The following PANK3 variants were observed in gnomAD, a reference collection of about 807,000 sequenced individuals.
PANK3 encodes the protein pantothenate kinase 3.
PANK3 carries 20 observed loss-of-function variants against 39.4 expected under a neutral mutation model. The observed-to-expected ratio is 0.51, with a 90% confidence interval of 0.36 to 0.74. The LOEUF (loss-of-function observed/expected upper bound fraction) is 0.74, where lower values mean the gene tolerates loss of function less well. Among genes scored for constraint, PANK3 ranks in the 30% least tolerant of loss-of-function variants. PANK3 has a pLI of 0.00. For missense variants in PANK3, 265 were observed against 437.0 expected (o/e 0.61, Z 3.51); for synonymous variants, 140 against 157.3 (o/e 0.89, Z 0.82).
intron 1 of PANK3, among the ~76,000 whole-genome samples, chr5:168,572,352 G>A (rs1470037277): frequency 1.3e-5 from 2 of 152,096 alleles, no homozygotes; most frequent in African/African-American, 2.4e-5. Context: ...AACCTTGTGT[G>A]TGTGTGTGTG....
rs1759593039 is a variant in PANK3 at position 168,569,485 on chromosome 5, C to T, written c.29-487G>A. ...GGGATTGCAGGCGTGAGCCACCGCG[C>T]TCGGCCCTTCAAAGTTTTATTAATA... On this transcript the variant is annotated intron_variant, in intron 1 of 6. Coordinates refer to ENST00000239231, the MANE Select transcript of PANK3 (RefSeq NM_024594.4). 2.0e-5 allele frequency among the ~76,000 whole-genome samples: 3 copies of T among 152,094 alleles called. No individual in the cohort carries two copies. In the South Asian group the frequency reaches 6.2e-4, roughly 32 times the overall value.
chr5:168,569,024 A>T lies in PANK3; in HGVS notation c.29-26T>A, dbSNP rs1410771901. 1.6e-3 allele frequency: 528 copies of T among 334,314 alleles called. 3 individuals are homozygous for T. The highest frequency in any genetic ancestry group is 0.015 in the African/African-American group (406 of 27,858). The allele number at this position is 334,314 out of a possible 1,614,324, so 20.7% of individuals were successfully genotyped here. ...CTATGGGAGGAAAAAAAAAAAAAAA[A>T]AAAAAAATATATATATATATATATA... is the stretch of plus-strand genomic sequence containing the variant. On this transcript the variant is annotated intron_variant, in intron 1 of 6. Transcript: ENST00000239231.
intron 6 of PANK3, among the ~76,000 whole-genome samples, chr5:168,558,454 G>A (rs35693458): frequency 0.13 from 19,631 of 151,988 alleles, 1,560 homozygotes; most frequent in East Asian, 0.29. Context: ...ATGAGCCACC[G>A]CACCCGGCCA....
intron 2 of PANK3, among the ~76,000 whole-genome samples, chr5:168,567,823 T>C (rs1339507242): frequency 1.3e-5 from 2 of 152,160 alleles, no homozygotes; most frequent in Non-Finnish European, 2.9e-5. Flanking sequence ...TCCCACTATA[T>C]TGCCCAGGCT....
rs972809737 is a variant in PANK3, at chr5:168,554,485, C to T, written c.*3086G>A. 1 of 152,198 alleles carries T rather than the reference C, an allele frequency of 6.6e-6. No individual in the cohort carries two copies. The highest frequency in any genetic ancestry group is 2.4e-5 in the African/African-American group (1 of 41,452). The allele number at this position is 152,198 out of a possible 1,614,324, so 9.4% of individuals were successfully genotyped here. ...TCGATTACAGGCATGAGCCACTGCACCCAGCCTCAATTGTTTAAAATTCAG... is the reference window on the plus strand; with the variant it reads ...TCGATTACAGGCATGAGCCACTGCATCCAGCCTCAATTGTTTAAAATTCAG... On this transcript the variant is annotated 3_prime_UTR_variant, in exon 7 of 7. Coordinates refer to ENST00000239231, the MANE Select transcript of PANK3 (RefSeq NM_024594.4).
At chr5:168,572,110 CT>C (rs34970571) in intron 1 of PANK3, among the ~76,000 whole-genome samples, 11,835 of 101,052 alleles carry the variant, frequency 0.12, 238 homozygotes, top group Non-Finnish European at 0.16. Context: ...CAACATAGGC[CT>C]TTTTTTTTTT....
chr5:168,567,006 A>G (rs1759546036), intron 2 of PANK3, among the ~76,000 whole-genome samples: 1 of 152,194 alleles, frequency 6.6e-6, no homozygotes, highest in South Asian at 2.1e-4. Context: ...GGCTTCCCAA[A>G]GTGCTGGAAT....
In PANK3 at chr5:168,550,126, A is replaced by T. The variant is rs1759254321; in HGVS notation, c.*7445T>A. 1 of 152,224 alleles carries T rather than the reference A, an allele frequency of 6.6e-6. No homozygotes were observed. The highest frequency in any genetic ancestry group is 1.5e-5 in the Non-Finnish European group (1 of 68,042). The allele number at this position is 152,224 out of a possible 1,614,324, so 9.4% of individuals were successfully genotyped here. ...CACATTCAGTTAAAAACTGTACTTC[A>T]AATTTTGTACTCTGATATTATCCTG... On this transcript the variant is annotated 3_prime_UTR_variant, in exon 7 of 7. Transcript: ENST00000239231.
chr5:168,568,788 C>T lies in PANK3; in HGVS notation c.239G>A (p.Gly80Glu). The stretch of plus-strand genomic sequence containing the variant: ...TGGAAACCTGATAAAGTGCAAGTTC[C>T]CTCTTCGGCCAAAAAGTGTTAAATC... ...LKDLTLFGRR[G>E]NLHFIRFPTQ... Residue 80 changes from glycine (G) to glutamate (E), a missense_variant, in exon 2 of 7, where the codon GGG becomes GAG. Transcript: ENST00000239231. 6.2e-7 allele frequency: 1 copy of T among 1,613,954 alleles called. No individual in the cohort carries two copies. Among genetic ancestry groups the T allele is most frequent in the South Asian group, 1.1e-5 (1 of 91,066 alleles).
chr5:168,578,903 G>A (rs746962832), intron 1 of PANK3, among the ~76,000 whole-genome samples: 5 of 152,196 alleles, frequency 3.3e-5, no homozygotes, highest in African/African-American at 7.2e-5. Context: ...AGCCGCCAGC[G>A]CAACCTGACA....
rs1759354030 is a variant in PANK3 at position 168,556,621 on chromosome 5, A to AAACAGCAAAGGGTAATAAT, written c.*931_*949dup. On this transcript the variant is annotated 3_prime_UTR_variant, in exon 7 of 7. Transcript: ENST00000239231. ...ACTGCACCTCTATTTCTGGCTCCTC[A>AAACAGCAAAGGGTAATAAT]AACAGCAAAGGGTAATAATAAGGCA... 6.6e-6 allele frequency: 1 copy of AAACAGCAAAGGGTAATAAT among 152,646 alleles called. No individual in the cohort carries two copies. Among genetic ancestry groups the AAACAGCAAAGGGTAATAAT allele is most frequent in the Non-Finnish European group, 1.5e-5 (1 of 68,046 alleles). 9.5% of individuals were successfully genotyped at this position (152,646 alleles called of 1,614,324 possible). A position where few individuals can be genotyped will look rare whatever the true frequency, so the allele number is the denominator to read the frequency against.
chr5:168,575,856 T>C (rs559582156), intron 1 of PANK3, among the ~76,000 whole-genome samples: 1 of 152,222 alleles, frequency 6.6e-6, no homozygotes, highest in East Asian at 1.9e-4. Flanking sequence ...AATTGTTCTT[T>C]AGGCATAAAG....
intron 1 of PANK3, among the ~76,000 whole-genome samples, chr5:168,572,830 T>C (rs1561843075): frequency 6.6e-6 from 1 of 151,976 alleles, no homozygotes; most frequent in Admixed American, 6.6e-5. Flanking sequence ...GGGGGTGGTA[T>C]GGAGAGATAA....
chr5:168,559,237 AT>A, intron 5 of PANK3, 80 bp from the exon 6 acceptor site: 1 of 1,006,086 alleles, frequency 9.9e-7, no homozygotes, highest in Non-Finnish European at 1.4e-6. Flanking sequence ...TTTATTTAAA[AT>A]TTATTTTAAA....
rs1378982842 is a variant in PANK3 at position 168,549,513 on chromosome 5, A to T, written c.*8058T>A. The T allele has an allele frequency of 6.6e-6, 1 of 152,248 alleles. No individual in the cohort carries two copies. Among genetic ancestry groups the T allele is most frequent in the Non-Finnish European group, 1.5e-5 (1 of 68,038 alleles). 9.4% of individuals were successfully genotyped at this position (152,248 alleles called of 1,614,324 possible). On this transcript the variant is annotated 3_prime_UTR_variant, in exon 7 of 7. Coordinates refer to ENST00000239231, the MANE Select transcript of PANK3 (RefSeq NM_024594.4). ...AAAGAAACATATTTAGCAATAAAAAATTTAATAATATCCTACAACTGAATT... is the reference window on the plus strand; with the variant it reads ...AAAGAAACATATTTAGCAATAAAAATTTTAATAATATCCTACAACTGAATT...
chr5:168,566,135 T>C lies in PANK3; in HGVS notation c.513A>G (p.Arg171=). Residue 171 remains arginine (R), a synonymous_variant, in exon 3 of 7, where the codon CGA becomes CGG. Transcript: ENST00000239231. ...CCAGGTTAAAAGGCATCTTTTGGCATCGCTCAGGTTCTGAGGCATTAGCAA... is the reference window on the plus strand; with the variant it reads ...CCAGGTTAAAAGGCATCTTTTGGCACCGCTCAGGTTCTGAGGCATTAGCAA... The part of the protein sequence containing the change: ...YYFANASEPE[R]CQKMPFNLDD... 6.2e-7 allele frequency: 1 copy of C among 1,614,002 alleles called. No homozygotes were observed. The highest frequency in any genetic ancestry group is 8.5e-7 in the Non-Finnish European group (1 of 1,180,006).
intron 1 of PANK3, among the ~76,000 whole-genome samples, chr5:168,570,940 TATAGACC>T (rs1254263767): frequency 1.3e-5 from 2 of 152,116 alleles, no homozygotes; most frequent in Non-Finnish European, 2.9e-5. Flanking sequence ...AAAAAAATGG[TATAGACC>T]ATTTACAAAA....
At chr5:168,560,690 G>A (rs1052463393) in intron 5 of PANK3, among the ~76,000 whole-genome samples, 13 of 152,156 alleles carry the variant, frequency 8.5e-5, no homozygotes, top group South Asian at 2.1e-4. Flanking sequence ...TTCGAAAAGC[G>A]TACTTCCCAA....
In PANK3 at chr5:168,552,078, A is replaced by G. The variant is rs1354262289; in HGVS notation, c.*5493T>C. On this transcript the variant is annotated 3_prime_UTR_variant, in exon 7 of 7. Coordinates refer to ENST00000239231, the MANE Select transcript of PANK3 (RefSeq NM_024594.4). Reference sequence around the variant, plus strand: ...CAGGGTGGTGGTGATGGGAAATTCTATACCTTGTGTTGTTTGCCTAGCCTC... The same window carrying G: ...CAGGGTGGTGGTGATGGGAAATTCTGTACCTTGTGTTGTTTGCCTAGCCTC... 1 of 152,250 alleles carries G rather than the reference A, an allele frequency of 6.6e-6. No individual in the cohort carries two copies. The highest frequency in any genetic ancestry group is 1.5e-5 in the Non-Finnish European group (1 of 68,038). 9.4% of individuals were successfully genotyped at this position (152,250 alleles called of 1,614,324 possible).
Sources: gnomAD v4.1 joint callset for allele counts (sites outside exome capture counted in the v4.1 genomes callset) on GRCh38, gnomAD v4.1.1 for gene constraint, MANE v1.5 for transcripts, NCBI Gene and HGNC (gene_info 2026-07-23, HGNC 2026-07-21) for gene names.